Variants in ANKH observed in about 807,000 individuals in gnomAD.
The protein encoded by ANKH is mineralization regulator ANKH.
ANKH carries 15 observed loss-of-function variants against 49.0 expected under a neutral mutation model. That is an observed-to-expected ratio of 0.31 (90% CI 0.20 to 0.47). The LOEUF is 0.47. Ranked by LOEUF, ANKH falls within the 20% of genes least tolerant of loss-of-function variation. The probability of loss-of-function intolerance (pLI) is 1.00; values close to 1 mark genes in which losing one functional copy is unlikely to be tolerated. For missense variants in ANKH, 429 were observed against 652.0 expected, an observed-to-expected ratio of 0.66 and a Z score of 3.72; for synonymous variants, 273 against 260.0, an observed-to-expected ratio of 1.05 and a Z score of -0.48.
intron 1 of ANKH, among the ~76,000 whole-genome samples, chr5:14,809,382 G>GA (rs574754567): frequency 4.3e-4 from 60 of 140,260 alleles, no homozygotes; most frequent in South Asian, 2.9e-3. Flanking sequence ...TGGAAATAAG[G>GA]AAAAAAAAAT....
chr5:14,782,219 GATA>G (rs1238212699), intron 1 of ANKH, among the ~76,000 whole-genome samples: 2 of 152,158 alleles, frequency 1.3e-5, no homozygotes, highest in African/African-American at 4.8e-5. Flanking sequence ...CAGTGACCAT[GATA>G]ATGATGATGA....
chr5:14,788,521 C>G (rs896103638), intron 1 of ANKH, among the ~76,000 whole-genome samples: 1 of 152,214 alleles, frequency 6.6e-6, no homozygotes, highest in Admixed American at 6.5e-5. Context: ...ATACACCACA[C>G]ACACTAAGTA....
At chr5:14,797,937 GTA>G (rs1286750147) in intron 1 of ANKH, 2 of 1,589,608 alleles carry the variant, frequency 1.3e-6, no homozygotes, top group Admixed American at 3.3e-5. Context: ...AGGATGTTTT[GTA>G]TAGTCAAAGA....
intron 1 of ANKH, among the ~76,000 whole-genome samples, chr5:14,806,050 AT>A (rs983347085): frequency 6.6e-6 from 1 of 152,222 alleles, no homozygotes; most frequent in African/African-American, 2.4e-5. Context: ...ACTTGTGCAC[AT>A]AAGGAGACAT....
chr5:14,738,983 G>A (rs1010319645), intron 8 of ANKH, among the ~76,000 whole-genome samples: 1 of 152,158 alleles, frequency 6.6e-6, no homozygotes, highest in African/African-American at 2.4e-5. Flanking sequence ...CTAAGCCCTG[G>A]GGATAAAAGA....
intron 1 of ANKH, among the ~76,000 whole-genome samples, chr5:14,791,983 T>C (rs541004078): frequency 6.6e-6 from 1 of 152,198 alleles, no homozygotes; most frequent in African/African-American, 2.4e-5. Flanking sequence ...GATGAGAATA[T>C]GGAACAGGCA....
intron 8 of ANKH, among the ~76,000 whole-genome samples, chr5:14,731,460 C>T (rs948768959): frequency 3.3e-5 from 5 of 151,978 alleles, no homozygotes; most frequent in African/African-American, 7.3e-5. Flanking sequence ...TGCCAGGGGC[C>T]GGGGGTACCT....
At chr5:14,843,823 A>G (rs1741883474) in intron 1 of ANKH, among the ~76,000 whole-genome samples, 1 of 152,182 alleles carries the variant, frequency 6.6e-6, no homozygotes, top group Admixed American at 6.5e-5. Context: ...ACAATAAAGA[A>G]ATCTCGACTC....
At chr5:14,746,144 G>A (rs577898258) in intron 6 of ANKH, among the ~76,000 whole-genome samples, 182 bp from the exon 7 acceptor site, 4 of 152,110 alleles carry the variant, frequency 2.6e-5, no homozygotes, top group Admixed American at 6.5e-5. Flanking sequence ...CAGCAAATTG[G>A]GCTCCTAGGG....
In ANKH at chr5:14,771,936, A is replaced by C. The variant is rs28386788; in HGVS notation, c.97-2745T>G. Among the ~76,000 whole-genome samples, 648 of 117,212 alleles carry C rather than the reference A, an allele frequency of 5.5e-3. 6 individuals are homozygous for C. The highest frequency in any genetic ancestry group is 0.015 in the Middle Eastern group (3 of 202). The allele number at this position is 117,212 out of a possible 152,430, so 76.9% of individuals were successfully genotyped here. A position where few individuals can be genotyped will look rare whatever the true frequency, so the allele number is the denominator to read the frequency against. On this transcript the variant is annotated intron_variant, in intron 1 of 11. Coordinates refer to ENST00000284268, the MANE Select transcript of ANKH (RefSeq NM_054027.6). ...CTCAAAAAAAGAAAAAAAAAAAAAA[A>C]AAAAAAAAAAACCAAAACAAAACAA... is the stretch of plus-strand genomic sequence containing the variant.
Position 14,751,049 on chromosome 5 carries a change from T to C in ANKH, c.687+20A>G, listed in dbSNP as rs1168581669. On this transcript the variant is annotated intron_variant, in intron 5 of 11. Coordinates refer to ENST00000284268, the MANE Select transcript of ANKH (RefSeq NM_054027.6). ...CTACTCTGAGTCTCAGACAGACTGC[T>C]GTTGGGTTGGTAGACGTACCCCCAG... 6.2e-7 allele frequency: 1 copy of C among 1,613,562 alleles called. No homozygotes were observed. The highest frequency in any genetic ancestry group is 8.5e-7 in the Non-Finnish European group (1 of 1,179,536).
intron 1 of ANKH, among the ~76,000 whole-genome samples, chr5:14,863,776 T>C (rs1427142172): frequency 1.3e-5 from 2 of 152,186 alleles, no homozygotes; most frequent in Non-Finnish European, 2.9e-5. Context: ...TCTCCACCCA[T>C]GCTCTCTCCT....
chr5:14,841,018 C>A (rs1047046688), intron 1 of ANKH, among the ~76,000 whole-genome samples: 12 of 152,138 alleles, frequency 7.9e-5, no homozygotes, highest in Admixed American at 6.5e-5. Flanking sequence ...GCCTACAACA[C>A]ATGTCTGAAA....
chr5:14,822,562 T>C (rs1741226675), intron 1 of ANKH, among the ~76,000 whole-genome samples: 2 of 152,222 alleles, frequency 1.3e-5, no homozygotes, highest in Admixed American at 6.5e-5. Context: ...TTTTATTGTA[T>C]ATAAAATGGT....
chr5:14,807,734 C>T (rs1174195533), intron 1 of ANKH, among the ~76,000 whole-genome samples: 2 of 152,148 alleles, frequency 1.3e-5, no homozygotes, highest in Non-Finnish European at 2.9e-5. Flanking sequence ...ACAATCCCAA[C>T]CTGACATCAC....
chr5:14,723,259 C>T (rs1580007196), intron 8 of ANKH, among the ~76,000 whole-genome samples: 1 of 151,732 alleles, frequency 6.6e-6, no homozygotes, highest in Non-Finnish European at 1.5e-5. Context: ...TTGTAACATG[C>T]GCGCTGCAGT....
intron 2 of ANKH, among the ~76,000 whole-genome samples, chr5:14,760,837 T>C (rs969772600): frequency 6.6e-6 from 1 of 152,226 alleles, no homozygotes; most frequent in East Asian, 1.9e-4. Context: ...CTGGGGACTA[T>C]GGAATTGGTG....
chr5:14,721,265 ACT>A (rs1737650431), intron 8 of ANKH, among the ~76,000 whole-genome samples: 1 of 152,024 alleles, frequency 6.6e-6, no homozygotes, highest in African/African-American at 2.4e-5. Context: ...CCACTCAGTC[ACT>A]CTGTTTTTTA....
At chr5:14,757,934 C>G (rs556183943) in intron 3 of ANKH, among the ~76,000 whole-genome samples, 1 of 152,262 alleles carries the variant, frequency 6.6e-6, no homozygotes, top group Non-Finnish European at 1.5e-5. Flanking sequence ...TGGGTATATA[C>G]CCCAAAGAAC....
Sources: gnomAD v4.1 joint callset for allele counts (sites outside exome capture counted in the v4.1 genomes callset) on GRCh38, gnomAD v4.1.1 for gene constraint, MANE v1.5 for transcripts, NCBI Gene and HGNC (gene_info 2026-07-23, HGNC 2026-07-21) for gene names.